SLC12A1: variants seen among roughly 807,000 people sequenced by gnomAD.
SLC12A1 encodes the protein Na-K-2Cl cotransporter.
SLC12A1 carries 89 observed loss-of-function variants against 130.4 expected under a neutral mutation model. The observed-to-expected ratio is 0.68, with a 90% CI of 0.58 to 0.81. The LOEUF is 0.81. Among genes scored for constraint, SLC12A1 ranks in the 40% least tolerant of loss-of-function variants. The pLI is 0.00. For missense variants in SLC12A1, 1,310 were observed against 1,336.4 expected, an observed-to-expected ratio of 0.98 and a Z score of 0.31; for synonymous variants, 499 against 460.0, an observed-to-expected ratio of 1.08 and a Z score of -1.09.
Position 48,301,185 on chromosome 15 carries a change from T to C in SLC12A1, c.3097-130T>C, listed in dbSNP as rs2042228102. ...TTAAAACACCATAAGTTTCTAAGCC[T>C]GAAAAAGTAATTGTAATTTTTATAC... is the stretch of plus-strand genomic sequence containing the variant. On this transcript the variant is annotated intron_variant, in intron 25 of 26. Coordinates refer to ENST00000380993, the MANE Select transcript of SLC12A1 (RefSeq NM_000338.3). The C allele has an allele frequency of 1.1e-5, 8 of 726,476 alleles. No homozygotes were observed. In the South Asian group the frequency reaches 1.3e-4, roughly 12 times the overall value. The allele number at this position is 726,476 out of a possible 1,614,324, so 45.0% of individuals were successfully genotyped here. A position where few individuals can be genotyped will look rare whatever the true frequency, so the allele number is the denominator to read the frequency against.
intron 21 of SLC12A1, among the ~76,000 whole-genome samples, chr15:48,287,167 C>T (rs1309530642): frequency 1.3e-5 from 2 of 152,126 alleles, no homozygotes; most frequent in African/African-American, 2.4e-5. Context: ...ATGAGAAATG[C>T]TACGTACGCT....
chr15:48,219,284 C>T lies in SLC12A1; in HGVS notation c.421-1350C>T, dbSNP rs1037270205. Among the ~76,000 whole-genome samples the T allele has an allele frequency of 2.4e-4, 36 of 152,158 alleles. 1 individual carries two copies. On this transcript the variant is annotated intron_variant, in intron 2 of 26. Coordinates refer to ENST00000380993, the MANE Select transcript of SLC12A1 (RefSeq NM_000338.3). ...TGTCGGCCGGGTGTGGTGGCTCATG[C>T]CTGTAATCTCAGCACTTTGGGAGGC...
intron 17 of SLC12A1, among the ~76,000 whole-genome samples, chr15:48,266,105 A>G (rs1041131816): frequency 2.1e-4 from 32 of 152,336 alleles, no homozygotes; most frequent in Non-Finnish European, 3.5e-4. Context: ...ACAGGCTATC[A>G]TATTGGGCAG....
intron 19 of SLC12A1, among the ~76,000 whole-genome samples, chr15:48,272,664 G>A (rs1287981213): frequency 6.6e-6 from 1 of 152,134 alleles, no homozygotes; most frequent in Non-Finnish European, 1.5e-5. Flanking sequence ...CTGACCTCAG[G>A]TGATCCACCG....
rs35956104 is a variant in SLC12A1, at chr15:48,255,964, C to T, written c.2042+54C>T. ...GTTTTTCCACCCTAGAAGTGGCTCT[C>T]CTTTATAAGAGACAAGGGCATTCAA... On this transcript the variant is annotated intron_variant, in intron 16 of 26. Transcript: ENST00000380993. 5.5e-4 allele frequency: 589 copies of T among 1,075,712 alleles called. 2 individuals carry two copies. In the African/African-American group the frequency reaches 8.3e-3, roughly 15 times the overall value. The allele number at this position is 1,075,712 out of a possible 1,614,324, so 66.6% of individuals were successfully genotyped here.
chr15:48,295,194 G>GCCACCACACCTGGCCTCAC (rs1362698535), intron 24 of SLC12A1, among the ~76,000 whole-genome samples: 1 of 151,770 alleles, frequency 6.6e-6, no homozygotes, highest in Non-Finnish European at 1.5e-5. Context: ...ACAGGCATGA[G>GCCACCACACCTGGCCTCAC]CCACCACACC....
chr15:48,278,296 T>C (rs904295364), intron 20 of SLC12A1, among the ~76,000 whole-genome samples: 3 of 152,242 alleles, frequency 2.0e-5, no homozygotes, highest in Non-Finnish European at 4.4e-5. Context: ...ATTATGCTTC[T>C]TGTTCACACA....
chr15:48,274,696 C>T (rs372755188), intron 20 of SLC12A1, 43 bp downstream of exon 20: 106 of 1,364,866 alleles, frequency 7.8e-5, no homozygotes, highest in Non-Finnish European at 1.1e-4. Context: ...TTATTGAGCA[C>T]CTACTTTGTG....
rs1487970751 is a variant in SLC12A1, at chr15:48,259,202, C to T, written c.2045C>T (p.Pro682Leu). 6.9e-6 allele frequency: 11 copies of T among 1,601,514 alleles called. No homozygotes were observed. Among genetic ancestry groups the T allele is most frequent in the Non-Finnish European group, 9.4e-6 (11 of 1,168,788 alleles). Reference protein sequence around the residue: ...TVEDHVKNFRPQCIVLTGGPM... With the variant: ...TVEDHVKNFRLQCIVLTGGPM... ...TCACATCTTTTTTTTACTTCCAGGC[C>T]CCAGTGCATTGTCTTAACAGGGGGA... Residue 682 changes from proline to leucine, a missense_variant and splice_region_variant, in exon 17 of 27, where the codon CCC becomes CTC. Coordinates refer to ENST00000380993, the MANE Select transcript of SLC12A1 (RefSeq NM_000338.3).
At chr15:48,238,758 C>A (rs2141044987) in intron 9 of SLC12A1, among the ~76,000 whole-genome samples, 1 of 152,280 alleles carries the variant, frequency 6.6e-6, no homozygotes, top group African/African-American at 2.4e-5. Flanking sequence ...AGATCCTGAT[C>A]TCCGCTCACA....
Position 48,274,564 on chromosome 15 carries a change from C to G in SLC12A1, c.2403-7C>G. On this transcript the variant is annotated splice_region_variant and splice_polypyrimidine_tract_variant and intron_variant, in intron 19 of 26. Transcript: ENST00000380993. Reference sequence around the variant, plus strand: ...TAAAACGCTGACTGCTTTGCTTCCTCTTTCAGTGATGCATTTGATTTTGAG... The same window carrying G: ...TAAAACGCTGACTGCTTTGCTTCCTGTTTCAGTGATGCATTTGATTTTGAG... 6.2e-7 allele frequency: 1 copy of G among 1,607,512 alleles called. No individual in the cohort carries two copies. The highest frequency in any genetic ancestry group is 1.1e-5 in the South Asian group (1 of 90,606).
rs188022180 is a variant in SLC12A1 at position 48,241,544 on chromosome 15, C to T, written c.1245C>T (p.Thr415=). 2 of 1,613,688 alleles carry T rather than the reference C, an allele frequency of 1.2e-6. No individual in the cohort carries two copies. The highest frequency in any genetic ancestry group is 1.7e-5 in the Admixed American group (1 of 59,996). The part of the protein sequence containing the change: ...EDPQDAIPRG[T]MLAIFITTVA... ...CCCAAGATGCCATCCCCAGAGGAAC[C>T]ATGCTGGCCATTTTCATCACCACTG... The change falls in exon 10 of 27, where the codon ACC becomes ACT. Residue 415 remains threonine, a synonymous_variant. Transcript: ENST00000380993.
intron 2 of SLC12A1, among the ~76,000 whole-genome samples, chr15:48,215,146 A>G (rs551704837): frequency 1.3e-5 from 2 of 152,282 alleles, no homozygotes; most frequent in Non-Finnish European, 2.9e-5. Flanking sequence ...TATTTTCCTC[A>G]GCTTTGATAA....
At chr15:48,287,158 T>A (rs1279999760) in intron 21 of SLC12A1, among the ~76,000 whole-genome samples, 1 of 152,174 alleles carries the variant, frequency 6.6e-6, no homozygotes, top group East Asian at 1.9e-4. Context: ...GACACAGATA[T>A]GAGAAATGCT....
rs147913261 is a variant in SLC12A1 at position 48,258,601 on chromosome 15, G to A, written c.2043-599G>A. Among the ~76,000 whole-genome samples the A allele has an allele frequency of 4.9e-3, 739 of 152,040 alleles. 7 individuals carry two copies. Among genetic ancestry groups the A allele is most frequent in the Middle Eastern group, 0.044 (13 of 294 alleles). On this transcript the variant is annotated intron_variant, in intron 16 of 26. Coordinates refer to ENST00000380993, the MANE Select transcript of SLC12A1 (RefSeq NM_000338.3). ...TCCCACATTTTTCTGTCTTCTTCTG[G>A]GCCCTCCAAACTGTTCCAGCCTCTG...
At chr15:48,230,564 G>A (rs2041362581) in intron 7 of SLC12A1, 61 bp downstream of exon 7, 8 of 999,390 alleles carry the variant, frequency 8.0e-6, no homozygotes, top group Non-Finnish European at 1.3e-5. Flanking sequence ...CAAATTGCAG[G>A]AGTAGAGGGA....
intron 8 of SLC12A1, among the ~76,000 whole-genome samples, chr15:48,234,672 G>A (rs2041418990): frequency 6.6e-6 from 1 of 151,940 alleles, no homozygotes; most frequent in South Asian, 2.1e-4. Context: ...TTGGTTGCTT[G>A]AACCTGGGAG....
At chr15:48,224,709 T>C (rs1367149913) in intron 4 of SLC12A1, 2 of 152,152 alleles carry the variant, frequency 1.3e-5, no homozygotes, top group Admixed American at 1.3e-4. Flanking sequence ...CAAATTTATG[T>C]CCCGTTTTTA....
chr15:48,289,685 A>G (rs868733547), intron 23 of SLC12A1, among the ~76,000 whole-genome samples: 20 of 152,086 alleles, frequency 1.3e-4, no homozygotes, highest in South Asian at 4.1e-4. Flanking sequence ...AATGTGACAC[A>G]ATGGTAAATA....
Sources: gnomAD v4.1 joint callset for allele counts (sites outside exome capture counted in the v4.1 genomes callset) on GRCh38, gnomAD v4.1.1 for gene constraint, MANE v1.5 for transcripts, NCBI Gene and HGNC (gene_info 2026-07-23, HGNC 2026-07-21) for gene names.